HDAC9: variants seen among roughly 807,000 people sequenced by gnomAD.
HDAC9 encodes MEF-2 interacting transcription repressor (MITR) protein.
Under a neutral mutation model 139.4 loss-of-function variants are expected in HDAC9, and 41 were observed. The observed-to-expected ratio is 0.29, with a 90% confidence interval of 0.23 to 0.38. The LOEUF is 0.38. Ranked by LOEUF, HDAC9 falls within the 10% of genes least tolerant of loss-of-function variation. HDAC9 has a pLI of 1.00. For synonymous variants in HDAC9, 517 were observed against 476.2 expected, an observed-to-expected ratio of 1.09 and a Z score of -1.12; for missense variants, 1,147 against 1,297.0, an observed-to-expected ratio of 0.88 and a Z score of 1.78.
At chr7:18,162,303 C>T (rs1298315295) in exon 2 of HDAC9, 2 of 1,534,934 alleles carry the variant, frequency 1.3e-6, no homozygotes, top group South Asian at 2.4e-5. Context: ...GCATCCTAGT[C>T]TTAGCAGTCC....
intron 13 of HDAC9, among the ~76,000 whole-genome samples, chr7:18,728,443 ACAC>A (rs1188799713): frequency 2.7e-5 from 4 of 147,378 alleles, no homozygotes; most frequent in African/African-American, 5.2e-5. Context: ...ACACACACAC[ACAC>A]AAAGGGTGCT....
At chr7:18,103,107 G>C (rs1322085353) in intron 1 of HDAC9, among the ~76,000 whole-genome samples, 1 of 152,136 alleles carries the variant, frequency 6.6e-6, no homozygotes, top group Non-Finnish European at 1.5e-5. Flanking sequence ...ATCTTACATA[G>C]TGGCAGGCAA....
chr7:18,253,086 G>C (rs1247343542), intron 2 of HDAC9, among the ~76,000 whole-genome samples: 1 of 152,128 alleles, frequency 6.6e-6, no homozygotes, highest in African/African-American at 2.4e-5. Context: ...ACATGACCTT[G>C]TTCTTTTTTA....
intron 1 of HDAC9, among the ~76,000 whole-genome samples, chr7:18,087,480 G>C (rs1781872498): frequency 6.6e-6 from 1 of 152,168 alleles, no homozygotes; most frequent in African/African-American, 2.4e-5. Context: ...TGAGGCGAGC[G>C]GTCGGTGGCG....
At chr7:18,949,492 A>G in intron 23 of HDAC9, 1 of 217,936 alleles carries the variant, frequency 4.6e-6, no homozygotes, top group Non-Finnish European at 9.7e-6. Flanking sequence ...TTCAAAGCCC[A>G]CAAAGGAAAC....
chr7:18,696,923 C>T (rs1043235576), intron 12 of HDAC9, among the ~76,000 whole-genome samples: 14 of 151,594 alleles, frequency 9.2e-5, no homozygotes, highest in Admixed American at 2.0e-4. Flanking sequence ...GCATCATTGG[C>T]GCTGAGGAAG....
chr7:18,441,350 G>T (rs1260282431), intron 1 of HDAC9, among the ~76,000 whole-genome samples: 1 of 151,906 alleles, frequency 6.6e-6, no homozygotes, highest in Non-Finnish European at 1.5e-5. Flanking sequence ...TTTATTTTTG[G>T]ATTACCTTTT....
intron 22 of HDAC9, among the ~76,000 whole-genome samples, chr7:18,904,506 A>T (rs1406692656): frequency 9.2e-5 from 14 of 151,578 alleles, no homozygotes; most frequent in Admixed American, 9.2e-4. Flanking sequence ...CTTATTTATC[A>T]TCTGAGTTTC....
chr7:18,683,503 C>G (rs1782037715), intron 12 of HDAC9, among the ~76,000 whole-genome samples: 1 of 152,006 alleles, frequency 6.6e-6, no homozygotes, highest in South Asian at 2.1e-4. Flanking sequence ...CCTGGTTCTT[C>G]TAAAGACTGA....
chr7:18,512,702 A>G (rs1338075456), intron 2 of HDAC9, among the ~76,000 whole-genome samples: 1 of 152,334 alleles, frequency 6.6e-6, no homozygotes, highest in African/African-American at 2.4e-5. Context: ...CACCTCATAC[A>G]TAGTCTGCTG....
intron 1 of HDAC9, among the ~76,000 whole-genome samples, chr7:18,143,575 C>T (rs1245826915): frequency 6.6e-6 from 1 of 151,986 alleles, no homozygotes; most frequent in East Asian, 1.9e-4. Context: ...ATCACAAGGT[C>T]AGAAGTTTGA....
At chr7:18,281,504 T>C (rs1402016442) in intron 2 of HDAC9, among the ~76,000 whole-genome samples, 2 of 152,214 alleles carry the variant, frequency 1.3e-5, no homozygotes, top group Non-Finnish European at 2.9e-5. Context: ...ATTGATTCTC[T>C]TTCCATGTAA....
intron 2 of HDAC9, among the ~76,000 whole-genome samples, chr7:18,540,103 C>CAAAAAAAAA (rs34620445): frequency 0.014 from 748 of 54,564 alleles, 1 homozygote; most frequent in Non-Finnish European, 0.018. Flanking sequence ...ACTAAAAATA[C>CAAAAAAAAA]AAAAAAAAAA....
At chr7:18,112,873 A>G (rs1378988744) in intron 1 of HDAC9, among the ~76,000 whole-genome samples, 1 of 152,184 alleles carries the variant, frequency 6.6e-6, no homozygotes, top group African/African-American at 2.4e-5. Context: ...CATAGGTACT[A>G]GGTTGGTAGG....
chr7:18,729,387 A>T (rs751706046), intron 13 of HDAC9, among the ~76,000 whole-genome samples: 9 of 152,134 alleles, frequency 5.9e-5, no homozygotes, highest in Non-Finnish European at 8.8e-5. Context: ...GCTACTGTAT[A>T]TTACTGTAAT....
At chr7:18,116,119 C>G (rs996120080) in intron 1 of HDAC9, among the ~76,000 whole-genome samples, 7 of 152,132 alleles carry the variant, frequency 4.6e-5, no homozygotes, top group Non-Finnish European at 1.0e-4. Flanking sequence ...ATCAAATTTG[C>G]TAGCAATTTT....
intron 14 of HDAC9, among the ~76,000 whole-genome samples, chr7:18,753,382 A>C (rs1788611694): frequency 1.3e-5 from 2 of 152,016 alleles, no homozygotes; most frequent in South Asian, 4.1e-4. Context: ...TACATGTGAG[A>C]GTGTGAAAAG....
intron 22 of HDAC9, among the ~76,000 whole-genome samples, chr7:18,908,137 C>A (rs991275268): frequency 5.9e-5 from 9 of 151,934 alleles, no homozygotes; most frequent in African/African-American, 2.2e-4. Context: ...TCTTTAAAAA[C>A]ATTAATATTC....
chr7:18,472,821 G>C (rs182706990), intron 1 of HDAC9, among the ~76,000 whole-genome samples: 1 of 152,074 alleles, frequency 6.6e-6, no homozygotes, highest in Non-Finnish European at 1.5e-5. Context: ...CTTGTTTATC[G>C]CTTTGTTTTC....
Sources: gnomAD v4.1 joint callset for allele counts (sites outside exome capture counted in the v4.1 genomes callset) on GRCh38, gnomAD v4.1.1 for gene constraint, MANE v1.5 for transcripts, NCBI Gene and HGNC (gene_info 2026-07-23, HGNC 2026-07-21) for gene names.